Variants in CPPED1 observed in about 807,000 individuals in gnomAD.
CPPED1 encodes the protein serine/threonine-protein phosphatase CPPED1.
In CPPED1, 28 loss-of-function variants were observed where a neutral mutation model predicts 28.0. That is an observed-to-expected ratio of 1.00 (90% CI 0.74 to 1.37). The LOEUF (loss-of-function observed/expected upper bound fraction) is 1.37. Ranked by LOEUF, CPPED1 falls within the 40% of genes most tolerant of loss-of-function variation. The pLI is 0.00. For missense variants in CPPED1, 504 were observed against 416.5 expected, an observed-to-expected ratio of 1.21 and a Z score of -1.83; for synonymous variants, 198 against 180.2, an observed-to-expected ratio of 1.10 and a Z score of -0.79.
At chr16:12,765,725 C>T (rs1232679476) in intron 2 of CPPED1, among the ~76,000 whole-genome samples, 1 of 152,154 alleles carries the variant, frequency 6.6e-6, no homozygotes, top group African/African-American at 2.4e-5. Flanking sequence ...CAATAAACTA[C>T]TTAGGAACTG....
In CPPED1 at chr16:12,745,658, A is replaced by C. The variant is rs142318946; in HGVS notation, c.289+35527T>G. Among the ~76,000 whole-genome samples, 300 of 152,362 alleles carry C rather than the reference A, an allele frequency of 2.0e-3. 1 individual carries two copies. The Middle Eastern group carries it at 0.031, about 16-fold the overall frequency. On this transcript the variant is annotated intron_variant, in intron 2 of 3. Coordinates refer to ENST00000381774, the MANE Select transcript of CPPED1 (RefSeq NM_018340.3). The stretch of plus-strand genomic sequence containing the variant: ...GTGTACAAAGAAGGAAACAACAGAC[A>C]CTGGGGTCCGCTTAAGGCGGGAGGG...
chr16:12,707,760 G>C (rs890820957), intron 2 of CPPED1, among the ~76,000 whole-genome samples: 2 of 152,134 alleles, frequency 1.3e-5, no homozygotes, highest in Non-Finnish European at 1.5e-5. Context: ...TCCAAACAAA[G>C]AGGGATGCTG....
chr16:12,717,248 T>A (rs557706730), intron 2 of CPPED1, among the ~76,000 whole-genome samples: 1 of 152,170 alleles, frequency 6.6e-6, no homozygotes, highest in South Asian at 2.1e-4. Flanking sequence ...CTCATCTGAA[T>A]CTATAAGAAT....
rs1160536808 is a variant in CPPED1, at chr16:12,803,758, C to G, written c.19G>C (p.Gly7Arg). Reference protein sequence around the residue: MSAAEAGGVFHRARGRT... With the variant: MSAAEARGVFHRARGRT... ...CCCCTGGCTCTGTGGAAAACACCCC[C>G]CGCCTCTGCAGCCGACATGGCGAGC... Residue 7 changes from glycine (G) to arginine (R), a missense_variant, in exon 1 of 4, where the codon GGG (glycine) becomes CGG (arginine). Coordinates refer to ENST00000381774, the MANE Select transcript of CPPED1 (RefSeq NM_018340.3). The G allele has an allele frequency of 1.3e-6, 2 of 1,598,714 alleles. No homozygotes were observed. The highest frequency in any genetic ancestry group is 1.1e-5 in the South Asian group (1 of 88,836).
intron 3 of CPPED1, among the ~76,000 whole-genome samples, chr16:12,683,601 G>T (rs979129937): frequency 6.6e-6 from 1 of 152,046 alleles, no homozygotes; most frequent in Non-Finnish European, 1.5e-5. Context: ...GGTTTAACTG[G>T]AGCACCATGC....
intron 2 of CPPED1, among the ~76,000 whole-genome samples, chr16:12,771,896 G>C (rs542476058): frequency 4.3e-4 from 65 of 152,302 alleles, no homozygotes; most frequent in Admixed American, 1.8e-3. Flanking sequence ...GCCAAGGCAG[G>C]TGCATCACCT....
intron 1 of CPPED1, among the ~76,000 whole-genome samples, chr16:12,781,666 C>G (rs1044080038): frequency 1.3e-5 from 2 of 152,140 alleles, no homozygotes; most frequent in Non-Finnish European, 2.9e-5. Flanking sequence ...TGTTTGCTGA[C>G]AAGCTAGACA....
intron 2 of CPPED1, among the ~76,000 whole-genome samples, chr16:12,710,442 A>T (rs1440906286): frequency 6.8e-6 from 1 of 146,114 alleles, no homozygotes. Context: ...AATTTGATGT[A>T]TTGTTACAGG....
At position 12,707,016 on chromosome 16, in the gene CPPED1, G is replaced by T. The variant is rs970355483; in HGVS notation, c.290-1967C>A. 5.9e-5 allele frequency among the ~76,000 whole-genome samples: 9 copies of T among 152,280 alleles called. 1 individual carries two copies. Among genetic ancestry groups the T allele is most frequent in the Middle Eastern group, 6.8e-3 (2 of 294 alleles). On this transcript the variant is annotated intron_variant, in intron 2 of 3. Coordinates refer to ENST00000381774, the MANE Select transcript of CPPED1 (RefSeq NM_018340.3). ...TACCGTCTGCATCGAAGGTGCCATT[G>T]ATTGACATTGCTTCTTTAGCCGAAC...
At chr16:12,795,835 G>C (rs1036292256) in intron 1 of CPPED1, among the ~76,000 whole-genome samples, 1 of 152,120 alleles carries the variant, frequency 6.6e-6, no homozygotes, top group African/African-American at 2.4e-5. Flanking sequence ...TGTAATCCCA[G>C]CACTTCAAGA....
At chr16:12,665,787 T>TCCCA (rs1376908116) in intron 3 of CPPED1, among the ~76,000 whole-genome samples, 6 of 152,252 alleles carry the variant, frequency 3.9e-5, no homozygotes, top group African/African-American at 1.2e-4. Flanking sequence ...TGGCTAGGCG[T>TCCCA]GGTGGCAGGT....
chr16:12,675,945 G>C (rs576638275), intron 3 of CPPED1, among the ~76,000 whole-genome samples: 5 of 152,346 alleles, frequency 3.3e-5, no homozygotes, highest in Admixed American at 6.5e-5. Flanking sequence ...TTTGAGATAA[G>C]AGATTCTGGC....
At position 12,704,632 on chromosome 16, in the gene CPPED1, A is replaced by G; in HGVS notation, c.707T>C (p.Ile236Thr). 3.7e-6 allele frequency: 6 copies of G among 1,608,984 alleles called. No homozygotes were observed. Among genetic ancestry groups the G allele is most frequent in the Non-Finnish European group, 4.3e-6 (5 of 1,176,218 alleles). Residue 236 changes from isoleucine to threonine, a missense_variant, in exon 3 of 4, where the codon ATC becomes ACC. By Grantham distance (89) the Ile-to-Thr change is moderately conservative. Coordinates refer to ENST00000381774, the MANE Select transcript of CPPED1 (RefSeq NM_018340.3). ...STRKKLADKF[I>T]HAGVKVVFSG... ...TGGCCCGGGGCCTCTACCTGCGTGG[A>G]TGAACTTGTCTGCCAACTTCTTCCG...
chr16:12,761,112 C>G (rs1051840419), intron 2 of CPPED1: 1 of 151,732 alleles, frequency 6.6e-6, no homozygotes, highest in Non-Finnish European at 1.5e-5. Context: ...AGTTGGCAAA[C>G]AGGGGTAGAA....
In CPPED1 at chr16:12,682,093, G is replaced by A. The variant is rs1008498610; in HGVS notation, c.716-16978C>T. On this transcript the variant is annotated intron_variant, in intron 3 of 3. Coordinates refer to ENST00000381774, the MANE Select transcript of CPPED1 (RefSeq NM_018340.3). This position sits in a 1 kb window ranked among gnomAD's most constrained non-coding sequence, Gnocchi z 6.1. ...CGGTCGCCTATGTTGGAGTGCAGTGGCGCGATCTTGGCTCACTGCAACTTG... is the reference window on the plus strand; with the variant it reads ...CGGTCGCCTATGTTGGAGTGCAGTGACGCGATCTTGGCTCACTGCAACTTG... 6.6e-6 allele frequency among the ~76,000 whole-genome samples: 1 copy of A among 152,016 alleles called. No homozygotes were observed. Among genetic ancestry groups the A allele is most frequent in the African/African-American group, 2.4e-5 (1 of 41,374 alleles).
intron 2 of CPPED1, among the ~76,000 whole-genome samples, chr16:12,711,634 G>A (rs1435457660): frequency 2.0e-5 from 3 of 152,178 alleles, no homozygotes; most frequent in African/African-American, 7.2e-5. Flanking sequence ...GCTGGAAGCA[G>A]ACACATTCAC....
At chr16:12,700,515 G>A (rs572540460) in intron 3 of CPPED1, among the ~76,000 whole-genome samples, 120 of 152,256 alleles carry the variant, frequency 7.9e-4, no homozygotes, top group Non-Finnish European at 1.3e-3. Flanking sequence ...CTCAGCCTCC[G>A]CAGTAGCTGG....
intron 1 of CPPED1, among the ~76,000 whole-genome samples, chr16:12,790,017 T>C (rs1016418279): frequency 6.6e-6 from 1 of 152,088 alleles, no homozygotes; most frequent in African/African-American, 2.4e-5. Context: ...AAATACACAG[T>C]GAATTTTGGG....
At position 12,660,038 on chromosome 16, in the gene CPPED1, T is replaced by G. The variant is rs1038323558; in HGVS notation, c.*4848A>C. 2 of 152,228 alleles carry G rather than the reference T, an allele frequency of 1.3e-5. No individual in the cohort carries two copies. Among genetic ancestry groups the G allele is most frequent in the Admixed American group, 6.5e-5 (1 of 15,286 alleles). 9.4% of individuals were successfully genotyped at this position (152,228 alleles called of 1,614,324 possible). On this transcript the variant is annotated 3_prime_UTR_variant, in exon 4 of 4. Transcript: ENST00000381774. ...ATTACCTCCCACCAGGTCCGTCCCT[T>G]GACACATGGGGATTATGGGGATTAC... is the stretch of plus-strand genomic sequence containing the variant.
Sources: allele counts gnomAD v4.1 joint callset (sites outside exome capture counted in the v4.1 genomes callset), GRCh38; gene constraint gnomAD v4.1.1; non-coding constraint Gnocchi (gnomAD v3.1); transcripts MANE v1.5; gene names NCBI Gene and HGNC (gene_info 2026-07-23, HGNC 2026-07-21).